Variants in ZNF678 observed in about 807,000 individuals in gnomAD.
ZNF678 encodes hypothetical protein MGC42493.
ZNF678 carries 5 observed loss-of-function variants against 3.0 expected under a neutral mutation model. That is an observed-to-expected ratio of 1.69 (90% CI 0.88 to 3.56). ZNF678 has a LOEUF of 3.56. ZNF678 is among the 30% of genes most tolerant of loss of function. The probability of loss-of-function intolerance (pLI) is 0.00; values close to 1 mark genes in which losing one functional copy is unlikely to be tolerated. For synonymous variants in ZNF678, 218 were observed against 199.6 expected, an observed-to-expected ratio of 1.09 and a Z score of -0.78; for missense variants, 593 against 605.0, an observed-to-expected ratio of 0.98 and a Z score of 0.21.
At chr1:227,622,090 C>G (rs1169968548) in intron 1 of ZNF678, among the ~76,000 whole-genome samples, 2 of 152,164 alleles carry the variant, frequency 1.3e-5, no homozygotes, top group Non-Finnish European at 2.9e-5. Flanking sequence ...GAATCTGTGT[C>G]CCTTACTAGG....
At chr1:227,624,539 G>C (rs1288570060) in intron 1 of ZNF678, among the ~76,000 whole-genome samples, 3 of 152,150 alleles carry the variant, frequency 2.0e-5, no homozygotes, top group African/African-American at 7.2e-5. Flanking sequence ...TTTGTTCTTA[G>C]AGCTCCCGAG....
At chr1:227,669,567 G>A (rs371157336) in intron 5 of ZNF678, among the ~76,000 whole-genome samples, 2 of 151,814 alleles carry the variant, frequency 1.3e-5, no homozygotes, top group African/African-American at 4.8e-5. Flanking sequence ...GAGAATGGCG[G>A]GAACCCGGGA....
Position 227,563,558 on chromosome 1 carries a change from T to G in ZNF678, c.-330T>G. On this transcript the variant is annotated 5_prime_UTR_variant, in exon 1 of 4. Coordinates refer to ENST00000343776, the MANE Select transcript of ZNF678 (RefSeq NM_001367909.1). ...GGGTTTCCGGGATCTGGCGGGGCCT[T>G]TGTCTTGTGCTCCAGCTGGAGCTTT... 8 of 667,886 alleles carry G rather than the reference T, an allele frequency of 1.2e-5. No homozygotes were observed. The highest frequency in any genetic ancestry group is 1.5e-5 in the Non-Finnish European group (6 of 410,672). The allele number at this position is 667,886 out of a possible 1,614,324, so 41.4% of individuals were successfully genotyped here.
chr1:227,611,458 G>T (rs992196772), intron 1 of ZNF678, among the ~76,000 whole-genome samples: 1 of 152,200 alleles, frequency 6.6e-6, no homozygotes, highest in Non-Finnish European at 1.5e-5. Context: ...GGCCCAGCAT[G>T]TTGGCATTTG....
At chr1:227,596,272 T>C (rs553432572) in intron 1 of ZNF678, among the ~76,000 whole-genome samples, 4 of 152,276 alleles carry the variant, frequency 2.6e-5, no homozygotes, top group South Asian at 2.1e-4. Flanking sequence ...CCAAGAAATA[T>C]AGCAGGACGA....
chr1:227,622,650 A>G (rs555415798), intron 1 of ZNF678, among the ~76,000 whole-genome samples: 1 of 152,012 alleles, frequency 6.6e-6, no homozygotes, highest in African/African-American at 2.4e-5. Context: ...GTATGCCTTT[A>G]TTTTTTTACT....
At chr1:227,667,273 C>T (rs556999151), downstream of ZNF678, among the ~76,000 whole-genome samples, 8 of 152,104 alleles carry the variant, frequency 5.3e-5, no homozygotes, top group Non-Finnish European at 8.8e-5. Context: ...TGACCTCAAG[C>T]GATCCGCCCG....
intron 1 of ZNF678, among the ~76,000 whole-genome samples, chr1:227,601,882 G>A (rs1657748094): frequency 6.6e-6 from 1 of 152,088 alleles, no homozygotes; most frequent in Non-Finnish European, 1.5e-5. Context: ...AATTTTTGGT[G>A]TATAGAAATG....
At chr1:227,589,313 A>G (rs1218571027) in intron 1 of ZNF678, among the ~76,000 whole-genome samples, 2 of 151,672 alleles carry the variant, frequency 1.3e-5, no homozygotes, top group Admixed American at 6.6e-5. Context: ...TCTTGAGTTA[A>G]TTTTTGTGTA....
At chr1:227,580,939 A>T (rs77989136) in intron 1 of ZNF678, among the ~76,000 whole-genome samples, 12 of 147,440 alleles carry the variant, frequency 8.1e-5, no homozygotes, top group Non-Finnish European at 1.5e-4. Flanking sequence ...AAAAAAAAAA[A>T]TTTTACCACA....
chr1:227,630,353 A>T (rs1658519562), intron 1 of ZNF678, among the ~76,000 whole-genome samples: 1 of 152,158 alleles, frequency 6.6e-6, no homozygotes, highest in East Asian at 1.9e-4. Flanking sequence ...ATGGGGGTCT[A>T]CACTGGAAAC....
downstream of ZNF678, among the ~76,000 whole-genome samples, chr1:227,665,459 A>G (rs1345855059): frequency 6.6e-6 from 1 of 152,168 alleles, no homozygotes; most frequent in Non-Finnish European, 1.5e-5. Context: ...TATCACTTAT[A>G]TTTCACCTCA....
chr1:227,644,901 T>C (rs745499691), intron 1 of ZNF678, among the ~76,000 whole-genome samples: 14 of 152,074 alleles, frequency 9.2e-5, no homozygotes, highest in African/African-American at 1.4e-4. Context: ...AAGGTCAGGG[T>C]CAAGCATGAG....
chr1:227,667,218 T>C (rs1011883960), downstream of ZNF678, among the ~76,000 whole-genome samples: 1 of 152,016 alleles, frequency 6.6e-6, no homozygotes, highest in Non-Finnish European at 1.5e-5. Flanking sequence ...TAATTTTTTG[T>C]AGAGACAGGG....
chr1:227,597,666 T>G (rs1222713561), intron 1 of ZNF678, among the ~76,000 whole-genome samples: 1 of 152,200 alleles, frequency 6.6e-6, no homozygotes, highest in Admixed American at 6.5e-5. Flanking sequence ...AATGGCTGTT[T>G]CTCTGGTTCA....
At chr1:227,578,670 A>G (rs2102724477) in intron 1 of ZNF678, among the ~76,000 whole-genome samples, 1 of 152,222 alleles carries the variant, frequency 6.6e-6, no homozygotes, top group South Asian at 2.1e-4. Context: ...GCTTTCTTGC[A>G]TTAGGTTTCA....
chr1:227,564,997 T>A (rs1220504164), intron 1 of ZNF678, among the ~76,000 whole-genome samples: 1 of 150,472 alleles, frequency 6.6e-6, no homozygotes, highest in East Asian at 2.0e-4. Context: ...CCTCCCAAAG[T>A]GCTGGGATTA....
At position 227,573,380 on chromosome 1, in the gene ZNF678, G is replaced by A. The variant is rs960215206; in HGVS notation, c.-164+9656G>A. Among the ~76,000 whole-genome samples, 6 of 152,158 alleles carry A rather than the reference G, an allele frequency of 3.9e-5. No homozygotes were observed. In the East Asian group the frequency reaches 5.8e-4, roughly 15 times the overall value. ...TTGGGAAGAGTGCGGCAGCACTTAC[G>A]AATAAAAGCCCATTGACAGATTGAG... On this transcript the variant is annotated intron_variant, in intron 1 of 3. Coordinates refer to ENST00000343776, the MANE Select transcript of ZNF678 (RefSeq NM_001367909.1).
intron 1 of ZNF678, chr1:227,598,672 C>G (rs1421991161): frequency 2.8e-5 from 15 of 526,908 alleles, no homozygotes. Flanking sequence ...TCCGTTGCAT[C>G]TTTTGACTTC....
Sources: allele counts gnomAD v4.1 joint callset (sites outside exome capture counted in the v4.1 genomes callset), GRCh38; gene constraint gnomAD v4.1.1; transcripts MANE v1.5; gene names NCBI Gene and HGNC (gene_info 2026-07-23, HGNC 2026-07-21).